Variants in PDE5A observed in about 807,000 individuals in gnomAD.
PDE5A encodes cGMP-specific 3',5'-cyclic phosphodiesterase.
A neutral mutation model predicts 110.2 loss-of-function variants in PDE5A; 67 were observed. That is an observed-to-expected ratio of 0.61 (90% confidence interval 0.50 to 0.75). The LOEUF is 0.75. Ranked by LOEUF, PDE5A falls within the 30% of genes least tolerant of loss-of-function variation. The pLI, the probability that PDE5A is intolerant of heterozygous loss-of-function variation, is 0.00. For missense variants in PDE5A, 862 were observed against 1,045.1 expected (o/e 0.82, Z 2.42); for synonymous variants, 328 against 351.2 (o/e 0.93, Z 0.74).
At chr4:119,567,948 A>G (rs1202192959) in intron 3 of PDE5A, among the ~76,000 whole-genome samples, 1 of 143,002 alleles carries the variant, frequency 7.0e-6, no homozygotes, top group Non-Finnish European at 1.6e-5. Flanking sequence ...TTATCCTCTA[A>G]CTGGCTATAC....
chr4:119,533,272 G>A (rs1726609444), intron 11 of PDE5A, among the ~76,000 whole-genome samples: 2 of 152,040 alleles, frequency 1.3e-5, no homozygotes, highest in Admixed American at 6.6e-5. Context: ...CTTCTTATTG[G>A]CTCTGACCAC....
intron 11 of PDE5A, among the ~76,000 whole-genome samples, chr4:119,536,634 GT>G (rs1471643205): frequency 2.6e-5 from 4 of 152,128 alleles, no homozygotes; most frequent in African/African-American, 9.7e-5. Flanking sequence ...AGTATCTAAA[GT>G]TCATAGAATT....
At chr4:119,538,873 T>G (rs1307732473) in intron 11 of PDE5A, 87 bp downstream of exon 11, 1 of 958,096 alleles carries the variant, frequency 1.0e-6, no homozygotes, top group East Asian at 2.4e-5. Flanking sequence ...TTAAACATTT[T>G]TATAAGTATC....
chr4:119,591,485 A>G (rs1420795361), intron 3 of PDE5A, among the ~76,000 whole-genome samples: 1 of 152,238 alleles, frequency 6.6e-6, no homozygotes, highest in African/African-American at 2.4e-5. Context: ...AGCAATCTTA[A>G]TAATTAGTCC....
At chr4:119,520,746 A>C (rs982806581) in intron 13 of PDE5A, among the ~76,000 whole-genome samples, 189 bp downstream of exon 13, 1 of 152,150 alleles carries the variant, frequency 6.6e-6, no homozygotes, top group Admixed American at 6.6e-5. Flanking sequence ...TATATGGAAG[A>C]AAATTAGCAA....
intron 17 of PDE5A, 31 bp downstream of exon 17, chr4:119,505,824 C>G (rs757368576): frequency 3.9e-6 from 5 of 1,283,144 alleles, no homozygotes; most frequent in Non-Finnish European, 4.4e-6. Flanking sequence ...GGGTAAAAAA[C>G]TTCAGCTTTA....
intron 2 of PDE5A, 34 bp from the exon 3 acceptor site, chr4:119,596,646 G>A: frequency 8.4e-7 from 1 of 1,186,032 alleles, no homozygotes; most frequent in Non-Finnish European, 1.2e-6. Flanking sequence ...TTTAATGACT[G>A]ACCTGTTCAA....
At chr4:119,597,625 A>G (rs540325896) in intron 2 of PDE5A, among the ~76,000 whole-genome samples, 18 of 152,248 alleles carry the variant, frequency 1.2e-4, no homozygotes, top group African/African-American at 4.3e-4. Context: ...TAATAGCATC[A>G]CTGCTCCAAA....
At chr4:119,535,917 C>G (rs528553761) in intron 11 of PDE5A, among the ~76,000 whole-genome samples, 1 of 152,080 alleles carries the variant, frequency 6.6e-6, no homozygotes, top group East Asian at 1.9e-4. Context: ...ACCAGACAAA[C>G]GACAGCAATT....
intron 3 of PDE5A, among the ~76,000 whole-genome samples, chr4:119,581,457 A>G (rs1728587681): frequency 6.6e-6 from 1 of 152,160 alleles, no homozygotes; most frequent in African/African-American, 2.4e-5. Context: ...ATATGTACAT[A>G]CATAATTTCT....
At chr4:119,585,482 AT>A (rs1464771646) in intron 3 of PDE5A, among the ~76,000 whole-genome samples, 9 of 152,096 alleles carry the variant, frequency 5.9e-5, no homozygotes, top group Non-Finnish European at 8.8e-5. Context: ...AGTTCACAAC[AT>A]TTTTTAGTAC....
intron 3 of PDE5A, among the ~76,000 whole-genome samples, chr4:119,577,478 C>T (rs1376671381): frequency 6.6e-6 from 1 of 152,186 alleles, no homozygotes; most frequent in African/African-American, 2.4e-5. Context: ...CATCAAAAAG[C>T]TTATCCACCA....
At chr4:119,543,895 T>C (rs780073164) in intron 9 of PDE5A, 1 of 152,226 alleles carries the variant, frequency 6.6e-6, no homozygotes, top group Non-Finnish European at 1.5e-5. Flanking sequence ...TGGTGTATCA[T>C]GGTAAATTTT....
In PDE5A at chr4:119,628,575, A is replaced by G. The variant is rs200775504; in HGVS notation, c.97T>C (p.Trp33Arg). ...GTAAAGTCCCAGTGATCGTCCAGCC[A>G]TGCTTCGACCGAGTCCTGATCCCTC... ...QQRDQDSVEA[W>R]LDDHWDFTFS... The change falls in exon 1 of 21, where the codon TGG (tryptophan) becomes CGG (arginine). Residue 33 changes from tryptophan (W) to arginine (R), a missense_variant. Coordinates refer to ENST00000354960, the MANE Select transcript of PDE5A (RefSeq NM_001083.4). The G allele has an allele frequency of 1.9e-6, 3 of 1,611,510 alleles. No individual in the cohort carries two copies. The highest frequency in any genetic ancestry group is 1.1e-5 in the South Asian group (1 of 90,836).
chr4:119,596,559 G>C lies in PDE5A; in HGVS notation c.795C>G (p.Ser265Arg). ...VDQITGYKTQ[S>R]ILCMPIKNHR... ...GATTCTTAATTGGCATACAAAGAAT[G>C]CTTTGTGTCTTGTAGCCTGTAATTT... The change falls in exon 3 of 21, where the codon AGC becomes AGG. Residue 265 changes from serine to arginine, a missense_variant. Ser to Arg is a moderately radical substitution (Grantham distance 110, BLOSUM62 -1). Coordinates refer to ENST00000354960, the MANE Select transcript of PDE5A (RefSeq NM_001083.4). 6.3e-7 allele frequency: 1 copy of C among 1,599,790 alleles called. No homozygotes were observed.
chr4:119,566,992 A>C, intron 4 of PDE5A, 81 bp downstream of exon 4: 1 of 926,638 alleles, frequency 1.1e-6, no homozygotes, highest in Non-Finnish European at 1.7e-6. Context: ...AATTTCAGCA[A>C]CAGCTAAACC....
chr4:119,622,140 C>A (rs1730170863), intron 1 of PDE5A, among the ~76,000 whole-genome samples: 1 of 150,508 alleles, frequency 6.6e-6, no homozygotes, highest in African/African-American at 2.4e-5. Context: ...CGCCACTGCA[C>A]TCCAGCCTGG....
chr4:119,527,458 T>G (rs780673140), intron 11 of PDE5A, among the ~76,000 whole-genome samples: 9 of 152,154 alleles, frequency 5.9e-5, no homozygotes, highest in Non-Finnish European at 1.2e-4. Context: ...ACTCTGCTTC[T>G]TTGACCATCA....
intron 11 of PDE5A, among the ~76,000 whole-genome samples, chr4:119,526,361 T>C (rs1240068807): frequency 6.6e-6 from 1 of 152,064 alleles, no homozygotes; most frequent in East Asian, 1.9e-4. Flanking sequence ...GGGTGCCTAT[T>C]AAAAAACATT....
Sources: allele counts gnomAD v4.1 joint callset (sites outside exome capture counted in the v4.1 genomes callset), GRCh38; gene constraint gnomAD v4.1.1; transcripts MANE v1.5; gene names NCBI Gene and HGNC (gene_info 2026-07-23, HGNC 2026-07-21).